The following RFPL1 variants were observed in gnomAD, a reference collection of about 807,000 sequenced individuals.
RFPL1 encodes ret finger protein-like 1.
A neutral mutation model predicts 9.6 loss-of-function variants in RFPL1; 6 were observed. The observed-to-expected ratio is 0.62, with a 90% CI of 0.34 to 1.23. The LOEUF is 1.23. Ranked by LOEUF, RFPL1 falls within the 50% of genes most tolerant of loss-of-function variation. The pLI is 0.03. For missense variants in RFPL1, 352 were observed against 398.4 expected (o/e 0.88, Z 0.99); for synonymous variants, 145 against 149.4 (o/e 0.97, Z 0.22).
chr22:29,418,496 C>CTTTTTTTTTTTTTT, the RFPL1 span, among the ~76,000 whole-genome samples: 2 of 124,484 alleles, frequency 1.6e-5, no homozygotes, highest in African/African-American at 3.0e-5. Flanking sequence ...TCTTCGTCTT[C>CTTTTTTTTTTTTTT]TTTTTTTTTT....
chr22:29,414,593 GT>G, the RFPL1 span, among the ~76,000 whole-genome samples: 2 of 150,498 alleles, frequency 1.3e-5, no homozygotes, highest in African/African-American at 4.9e-5. Flanking sequence ...TACTGATTGT[GT>G]TTTTTTTTCC....
the RFPL1 span, among the ~76,000 whole-genome samples, chr22:29,400,399 T>C: frequency 3.3e-5 from 5 of 152,202 alleles, no homozygotes; most frequent in African/African-American, 1.2e-4. Context: ...AAAAGAGCTT[T>C]TTGTAAACCT....
At chr22:29,401,181 TTA>T in the RFPL1 span, among the ~76,000 whole-genome samples, 2 of 152,246 alleles carry the variant, frequency 1.3e-5, no homozygotes, top group African/African-American at 4.8e-5. Context: ...AATGTTGTTC[TTA>T]TATAACAGTT....
the RFPL1 span, among the ~76,000 whole-genome samples, chr22:29,403,604 G>T: frequency 1.3e-5 from 2 of 152,178 alleles, no homozygotes; most frequent in Non-Finnish European, 2.9e-5. Flanking sequence ...GCTGACTTGA[G>T]AATCTCTAGA....
chr22:29,424,200 G>C, the RFPL1 span, among the ~76,000 whole-genome samples: 1 of 151,886 alleles, frequency 6.6e-6, no homozygotes, highest in East Asian at 1.9e-4. Flanking sequence ...AAGACCATAG[G>C]ACAAAGAAAG....
At chr22:29,397,738 G>A in the RFPL1 span, among the ~76,000 whole-genome samples, 213 of 152,274 alleles carry the variant, frequency 1.4e-3, 4 homozygotes, top group East Asian at 0.035. Flanking sequence ...TGGGGTTTGG[G>A]TCTCTGCATG....
chr22:29,401,854 C>T, the RFPL1 span, among the ~76,000 whole-genome samples: 2 of 152,170 alleles, frequency 1.3e-5, no homozygotes, highest in South Asian at 2.1e-4. Context: ...GATAGATCTG[C>T]GTTTTCATTC....
the RFPL1 span, among the ~76,000 whole-genome samples, chr22:29,428,861 A>G: frequency 6.6e-6 from 1 of 152,246 alleles, no homozygotes; most frequent in Non-Finnish European, 1.5e-5. Flanking sequence ...AGGGAAGTTA[A>G]TAGCAATAAA....
At chr22:29,422,495 C>T in the RFPL1 span, among the ~76,000 whole-genome samples, 1 of 152,106 alleles carries the variant, frequency 6.6e-6, no homozygotes, top group South Asian at 2.1e-4. Flanking sequence ...AAGAATCGCT[C>T]GAACCCAGGA....
chr22:29,410,428 T>TCTATA, the RFPL1 span, among the ~76,000 whole-genome samples: 21 of 50,192 alleles, frequency 4.2e-4, no homozygotes, highest in African/African-American at 2.1e-3. Flanking sequence ...GATATATATA[T>TCTATA]TGTAGATATA....
At chr22:29,410,428 T>TCTATATATAGATATATATA in the RFPL1 span, among the ~76,000 whole-genome samples, 44 of 50,198 alleles carry the variant, frequency 8.8e-4, 3 homozygotes, top group African/African-American at 2.3e-3. Flanking sequence ...GATATATATA[T>TCTATATATAGATATATATA]TGTAGATATA....
the RFPL1 span, among the ~76,000 whole-genome samples, chr22:29,432,172 A>G: frequency 1.3e-5 from 2 of 152,170 alleles, no homozygotes; most frequent in African/African-American, 4.8e-5. Context: ...AGGGCTCCTT[A>G]CCCACTCCCT....
the RFPL1 span, among the ~76,000 whole-genome samples, chr22:29,409,851 T>G: frequency 2.0e-5 from 3 of 152,146 alleles, no homozygotes; most frequent in Non-Finnish European, 4.4e-5. Context: ...CACTGGAGTT[T>G]ATGACCAACT....
At chr22:29,417,748 T>C in the RFPL1 span, among the ~76,000 whole-genome samples, 1 of 151,880 alleles carries the variant, frequency 6.6e-6, no homozygotes, top group African/African-American at 2.4e-5. Context: ...AATATCAAGC[T>C]GTTTTAAAAT....
the RFPL1 span, among the ~76,000 whole-genome samples, chr22:29,401,326 G>A: frequency 6.6e-6 from 1 of 152,200 alleles, no homozygotes; most frequent in Non-Finnish European, 1.5e-5. Context: ...GTTACTGTGT[G>A]TGTGTTACTT....
In RFPL1 at chr22:29,441,440, TAAAG is replaced by T; in HGVS notation, c.374-98_374-95del. 4.3e-6 allele frequency: 6 copies of T among 1,388,564 alleles called. No homozygotes were observed. The East Asian group carries it at 9.3e-5, about 21-fold the overall frequency. 86.0% of individuals were successfully genotyped at this position (1,388,564 alleles called of 1,614,324 possible). On this transcript the variant is annotated intron_variant, in intron 1 of 1. Transcript: ENST00000354373. The stretch of plus-strand genomic sequence containing the variant: ...TTTGATTTTGGGGGAAGAAGAGAAT[TAAAG>T]AAACCAAAGTCAAGAGATATTTGGG...
At chr22:29,408,961 T>TA in the RFPL1 span, among the ~76,000 whole-genome samples, 29,838 of 151,914 alleles carry the variant, frequency 0.2, 3,042 homozygotes, top group African/African-American at 0.23. Context: ...ACCAAGTGAA[T>TA]AAAGGCCTTT....
chr22:29,416,926 C>T, the RFPL1 span, among the ~76,000 whole-genome samples: 1 of 152,172 alleles, frequency 6.6e-6, no homozygotes, highest in Non-Finnish European at 1.5e-5. Context: ...GAGTCACAGG[C>T]CTTCTCAAGA....
At chr22:29,416,596 C>A in the RFPL1 span, among the ~76,000 whole-genome samples, 1 of 152,254 alleles carries the variant, frequency 6.6e-6, no homozygotes, top group South Asian at 2.1e-4. Flanking sequence ...CTTAATGTGG[C>A]CCCTTACTTT....
Sources: allele counts gnomAD v4.1 joint callset (sites outside exome capture counted in the v4.1 genomes callset), GRCh38; gene constraint gnomAD v4.1.1; transcripts MANE v1.5; gene names NCBI Gene and HGNC (gene_info 2026-07-23, HGNC 2026-07-21).